ZNF682: variants seen among roughly 807,000 people sequenced by gnomAD.
ZNF682 encodes zinc finger protein 682.
In ZNF682, 29 loss-of-function variants were observed where a neutral mutation model predicts 36.5. That is an observed-to-expected ratio of 0.80 (90% confidence interval 0.59 to 1.08). ZNF682 has a LOEUF of 1.08. Among genes scored for constraint, ZNF682 ranks in the 50% least tolerant of loss-of-function variants. ZNF682 has a pLI of 0.00. For missense variants in ZNF682, 561 were observed against 579.7 expected (o/e 0.97, Z 0.33); for synonymous variants, 180 against 197.0 (o/e 0.91, Z 0.72).
rs758601631 is a variant in ZNF682 at position 20,019,685 on chromosome 19, T to A, written c.226+3319A>T. 1.8e-4 allele frequency among the ~76,000 whole-genome samples: 27 copies of A among 152,106 alleles called. 1 individual carries two copies. The highest frequency in any genetic ancestry group is 3.5e-4 in the Non-Finnish European group (24 of 68,036). ...AACAGACTGAATGGATAGATATTTT[T>A]CCAGTGAAGACAAAGAGCCAACAGG... On this transcript the variant is annotated intron_variant, in intron 3 of 3. Transcript: ENST00000397165.
Position 20,006,777 on chromosome 19 carries a change from G to C in ZNF682, c.725C>G (p.Ser242Trp), listed in dbSNP as rs751656039. The change falls in exon 4 of 4, where the codon TCG becomes TGG. Residue 242 changes from serine (S) to tryptophan (W), a missense_variant. By Grantham distance (177) the Ser-to-Trp change is radical. Coordinates refer to ENST00000397165, the MANE Select transcript of ZNF682 (RefSeq NM_033196.3). ...GATTCTCTTATGTTTAGTAAGACTC[G>C]AGCACCAGTTAAAAGCTTTGCCACA... ...EECGKAFNWC[S>W]SLTKHKRIHT... The C allele has an allele frequency of 6.2e-6, 10 of 1,613,718 alleles. No homozygotes were observed. Among genetic ancestry groups the C allele is most frequent in the Non-Finnish European group, 2.5e-6 (3 of 1,179,966 alleles).
chr19:20,007,726 T>C (rs2088241175), intron 3 of ZNF682: 1 of 157,892 alleles, frequency 6.3e-6, no homozygotes, highest in African/African-American at 2.4e-5. Flanking sequence ...CCTATACATC[T>C]GTGAACTGGC....
chr19:20,022,341 A>AAAACC (rs1235071443), intron 3 of ZNF682, among the ~76,000 whole-genome samples: 104 of 71,656 alleles, frequency 1.5e-3, no homozygotes, highest in African/African-American at 3.1e-3. Flanking sequence ...AACAAAACCC[A>AAAACC]AAACCAAAAC....
rs865977465 is a variant in ZNF682 at position 20,024,048 on chromosome 19, C to T, written c.130+202G>A. Reference sequence around the variant, plus strand: ...AAACTAGAGTGAAAAATGCCCATCACCTCAAGGTAGAAGAAAGTTAATGTA... The same window carrying T: ...AAACTAGAGTGAAAAATGCCCATCATCTCAAGGTAGAAGAAAGTTAATGTA... On this transcript the variant is annotated intron_variant, in intron 2 of 3. Transcript: ENST00000397165. Among the ~76,000 whole-genome samples the T allele has an allele frequency of 7.9e-5, 12 of 152,054 alleles. 1 individual carries two copies. The Middle Eastern group carries it at 0.017, about 215-fold the overall frequency.
chr19:20,017,159 G>T (rs2088341342), intron 3 of ZNF682, among the ~76,000 whole-genome samples: 1 of 152,036 alleles, frequency 6.6e-6, no homozygotes, highest in African/African-American at 2.4e-5. Flanking sequence ...GAGGGAAAAC[G>T]TATTTATGAC....
At chr19:20,030,113 A>G (rs763617599) in intron 1 of ZNF682, among the ~76,000 whole-genome samples, 1 of 152,124 alleles carries the variant, frequency 6.6e-6, no homozygotes, top group Non-Finnish European at 1.5e-5. Context: ...CCCAAGAGAA[A>G]CTTGACTCCC....
At chr19:19,996,563 A>G (rs963588832), downstream of ZNF682, among the ~76,000 whole-genome samples, 1 of 152,226 alleles carries the variant, frequency 6.6e-6, no homozygotes, top group Non-Finnish European at 1.5e-5. Context: ...CCATTATTTT[A>G]AGTAAAGTAA....
rs71172554 is a variant in ZNF682, at chr19:20,018,078, C to CTTT, written c.226+4923_226+4925dup. The stretch of plus-strand genomic sequence containing the variant: ...GAAATATAGTTAAGATTCTCAAATT[C>CTTT]TTTTTTTTTTTTTTTTTTTTTTTTT... On this transcript the variant is annotated intron_variant, in intron 3 of 3. Transcript: ENST00000397165. 2.0e-3 allele frequency among the ~76,000 whole-genome samples: 118 copies of CTTT among 58,686 alleles called. 19 individuals carry two copies. The highest frequency in any genetic ancestry group is 6.3e-3 in the East Asian group (10 of 1,600). 38.5% of individuals were successfully genotyped at this position (58,686 alleles called of 152,430 possible). A position where few individuals can be genotyped will look rare whatever the true frequency, so the allele number is the denominator to read the frequency against.
intron 3 of ZNF682, among the ~76,000 whole-genome samples, chr19:20,014,560 A>G (rs1024683819): frequency 1.3e-5 from 2 of 151,684 alleles, no homozygotes; most frequent in African/African-American, 4.8e-5. Flanking sequence ...TCATGAAGTT[A>G]GGAGATCCAG....
chr19:20,024,400 T>C, intron 1 of ZNF682, 24 bp from the exon 2 acceptor site: 1 of 1,596,506 alleles, frequency 6.3e-7, no homozygotes. Flanking sequence ...CAAAACATAG[T>C]GACCAACTGT....
chr19:20,010,614 G>A (rs999770765), intron 3 of ZNF682, among the ~76,000 whole-genome samples: 7 of 151,940 alleles, frequency 4.6e-5, no homozygotes, highest in African/African-American at 1.2e-4. Flanking sequence ...AGCTGATATC[G>A]CGCCTGCACT....
downstream of ZNF682, chr19:19,996,962 A>G (rs1442256275): frequency 2.0e-5 from 7 of 343,824 alleles, no homozygotes; most frequent in African/African-American, 1.1e-4. Flanking sequence ...TTGTCTCCAT[A>G]TTCTCAGATA....
chr19:20,012,205 A>C (rs981312700), intron 3 of ZNF682, among the ~76,000 whole-genome samples: 2 of 152,216 alleles, frequency 1.3e-5, no homozygotes, highest in Non-Finnish European at 2.9e-5. Context: ...AGTAAATCCA[A>C]AGCTAGAAGA....
At chr19:20,020,339 A>T (rs1413097663) in intron 3 of ZNF682, among the ~76,000 whole-genome samples, 1 of 152,068 alleles carries the variant, frequency 6.6e-6, no homozygotes, top group Non-Finnish European at 1.5e-5. Flanking sequence ...CTACTAAAAA[A>T]TACAAAAATT....
chr19:20,016,838 A>T (rs2088338431), intron 3 of ZNF682, among the ~76,000 whole-genome samples: 1 of 152,176 alleles, frequency 6.6e-6, no homozygotes, highest in African/African-American at 2.4e-5. Context: ...TATAATAATA[A>T]TGCATAAAAC....
chr19:20,017,307 G>A (rs908393488), intron 3 of ZNF682, among the ~76,000 whole-genome samples: 1 of 152,106 alleles, frequency 6.6e-6, no homozygotes, highest in Admixed American at 6.6e-5. Context: ...TACAATATGC[G>A]TCTTTAGGGG....
intron 3 of ZNF682, among the ~76,000 whole-genome samples, chr19:20,020,927 T>C (rs1330462445): frequency 6.7e-6 from 1 of 149,770 alleles, no homozygotes; most frequent in Non-Finnish European, 1.5e-5. Context: ...AATGGGAAGA[T>C]GTTCAATGAG....
intron 3 of ZNF682, among the ~76,000 whole-genome samples, chr19:19,998,217 G>A (rs775279416): frequency 6.6e-6 from 1 of 152,218 alleles, no homozygotes; most frequent in Non-Finnish European, 1.5e-5. Flanking sequence ...AAAGTAGAAT[G>A]TTGACAGAAG....
At chr19:20,002,037 T>C (rs1335113999), downstream of ZNF682, among the ~76,000 whole-genome samples, 1 of 152,168 alleles carries the variant, frequency 6.6e-6, no homozygotes. Context: ...GGAACTCTAA[T>C]GTCACCATCT....
Sources: gnomAD v4.1 joint callset for allele counts (sites outside exome capture counted in the v4.1 genomes callset) on GRCh38, gnomAD v4.1.1 for gene constraint, MANE v1.5 for transcripts, NCBI Gene and HGNC (gene_info 2026-07-23, HGNC 2026-07-21) for gene names.